The following RFX7 variants were observed in gnomAD, a reference collection of about 807,000 sequenced individuals.
RFX7 encodes the protein DNA-binding protein RFX7.
Under a neutral mutation model 111.8 loss-of-function variants are expected in RFX7, and 26 were observed. The observed-to-expected ratio is 0.23, with a 90% CI of 0.17 to 0.32. The LOEUF (loss-of-function observed/expected upper bound fraction) is 0.32. RFX7 is among the 10% of genes least tolerant of loss of function. The pLI, the probability that RFX7 is intolerant of heterozygous loss-of-function variation, is 1.00. For missense variants in RFX7, 1,573 were observed against 1,772.9 expected (o/e 0.89, Z 2.02); for synonymous variants, 624 against 624.4 (o/e 1.00, Z 0.01).
intron 2 of RFX7, among the ~76,000 whole-genome samples, chr15:56,209,628 C>T (rs2043290545): frequency 6.6e-6 from 1 of 151,974 alleles, no homozygotes; most frequent in African/African-American, 2.4e-5. Flanking sequence ...GACACATATG[C>T]TTCTATATAA....
intron 3 of RFX7, among the ~76,000 whole-genome samples, chr15:56,166,120 T>C (rs1182755589): frequency 6.6e-6 from 1 of 152,190 alleles, no homozygotes; most frequent in East Asian, 1.9e-4. Context: ...CAGGCTAGTC[T>C]CAAATTCCTG....
chr15:56,168,150 G>C (rs1368856707), intron 3 of RFX7, among the ~76,000 whole-genome samples: 1 of 152,146 alleles, frequency 6.6e-6, no homozygotes, highest in Non-Finnish European at 1.5e-5. Flanking sequence ...ACTTAAACTT[G>C]TCTGAGTCTG....
chr15:56,140,982 A>C (rs1335807052), intron 5 of RFX7, among the ~76,000 whole-genome samples: 1 of 152,188 alleles, frequency 6.6e-6, no homozygotes, highest in East Asian at 1.9e-4. Context: ...ATCACTTCAA[A>C]AATTATATGA....
chr15:56,151,345 A>C (rs1227079020), intron 3 of RFX7, among the ~76,000 whole-genome samples: 2 of 152,262 alleles, frequency 1.3e-5, no homozygotes, highest in Admixed American at 6.5e-5. Flanking sequence ...AGCCCATCAG[A>C]CTAACAGCAG....
intron 6 of RFX7, among the ~76,000 whole-genome samples, chr15:56,103,096 G>T (rs1213638500): frequency 1.4e-5 from 2 of 145,980 alleles, no homozygotes; most frequent in African/African-American, 2.5e-5. Flanking sequence ...TACTTGTACT[G>T]AAAGATTAGT....
chr15:56,190,714 A>G (rs1303774088), intron 2 of RFX7, among the ~76,000 whole-genome samples: 1 of 152,098 alleles, frequency 6.6e-6, no homozygotes, highest in Non-Finnish European at 1.5e-5. Flanking sequence ...CAGAAGCACC[A>G]TCTACACATG....
chr15:56,131,110 T>TAA (rs200498255), intron 5 of RFX7, among the ~76,000 whole-genome samples: 25 of 142,120 alleles, frequency 1.8e-4, no homozygotes, highest in East Asian at 1.0e-3. Flanking sequence ...AAAGATAGCA[T>TAA]AAAAAAAAAA....
At position 56,243,181 on chromosome 15, in the gene RFX7, G is replaced by A; in HGVS notation, c.105C>T (p.Pro35=). 1.5e-6 allele frequency: 2 copies of A among 1,354,080 alleles called. No homozygotes were observed. The highest frequency in any genetic ancestry group is 2.1e-4 in the Middle Eastern group (1 of 4,684). 83.9% of individuals were successfully genotyped at this position (1,354,080 alleles called of 1,614,324 possible). A position where few individuals can be genotyped will look rare whatever the true frequency, so the allele number is the denominator to read the frequency against. Residue 35 remains proline, a synonymous_variant, in exon 2 of 10, where the codon CCC becomes CCT. Coordinates refer to ENST00000559447, the MANE Select transcript of RFX7 (RefSeq NM_022841.7). ...NSGVALPALV[P]GLPGTEASAL... is the part of the protein sequence containing the mutation. ...CGCTGGCCTCTGTCCCTGGCAGCCC[G>A]GGCACAAGGGCTGGCAGGGCCACCC...
chr15:56,150,943 C>T (rs1326699790), intron 3 of RFX7, among the ~76,000 whole-genome samples: 3 of 151,398 alleles, frequency 2.0e-5, no homozygotes, highest in Admixed American at 1.3e-4. Flanking sequence ...ATAGCCAAAT[C>T]GATCAACCAG....
intron 3 of RFX7, among the ~76,000 whole-genome samples, chr15:56,167,629 CT>C (rs1398385208): frequency 1.3e-5 from 2 of 152,190 alleles, no homozygotes; most frequent in African/African-American, 4.8e-5. Flanking sequence ...TACATTTTCA[CT>C]GCAAAAGCAC....
At chr15:56,190,166 A>C in intron 2 of RFX7, among the ~76,000 whole-genome samples, 1 of 152,230 alleles carries the variant, frequency 6.6e-6, no homozygotes, top group African/African-American at 2.4e-5. Flanking sequence ...AAAATTAGAA[A>C]AAGTATCTGT....
chr15:56,160,469 T>C (rs755899394), intron 3 of RFX7, among the ~76,000 whole-genome samples: 16 of 151,940 alleles, frequency 1.1e-4, no homozygotes, highest in Non-Finnish European at 1.9e-4. Context: ...GGAGGGAACA[T>C]AAATACACTA....
At position 56,088,798 on chromosome 15, in the gene RFX7, G is replaced by T. The variant is rs1290210085; in HGVS notation, c.*4547C>A. ...ATACCTGATTTTTCAGCTCATAGGGGGAAGGCAAGATACCAGTTAACAGTT... is the reference window on the plus strand; with the variant it reads ...ATACCTGATTTTTCAGCTCATAGGGTGAAGGCAAGATACCAGTTAACAGTT... On this transcript the variant is annotated 3_prime_UTR_variant, in exon 10 of 10. Transcript: ENST00000559447. 4 of 152,106 alleles carry T rather than the reference G, an allele frequency of 2.6e-5. No individual in the cohort carries two copies. Among genetic ancestry groups the T allele is most frequent in the African/African-American group, 9.7e-5 (4 of 41,424 alleles). 9.4% of individuals were successfully genotyped at this position (152,106 alleles called of 1,614,324 possible).
intron 2 of RFX7, 76 bp downstream of exon 2, chr15:56,243,049 G>GCCCCCCC: frequency 2.1e-6 from 1 of 476,998 alleles, no homozygotes; most frequent in Non-Finnish European, 3.8e-6. Context: ...CGCTCCCCCC[G>GCCCCCCC]CCCGCCGCCC....
chr15:56,153,902 C>G (rs1294281709), intron 3 of RFX7, among the ~76,000 whole-genome samples: 1 of 152,210 alleles, frequency 6.6e-6, no homozygotes, highest in African/African-American at 2.4e-5. Flanking sequence ...CCCATCATCT[C>G]AGCCCAAAAT....
intron 3 of RFX7, among the ~76,000 whole-genome samples, chr15:56,152,002 GCTAA>G (rs1239325561): frequency 1.3e-5 from 2 of 152,190 alleles, no homozygotes; most frequent in African/African-American, 2.4e-5. Flanking sequence ...AGCAAGAAGA[GCTAA>G]CTATCCTAAA....
At chr15:56,238,635 T>C (rs1351388350) in intron 2 of RFX7, among the ~76,000 whole-genome samples, 1 of 152,138 alleles carries the variant, frequency 6.6e-6, no homozygotes, top group Non-Finnish European at 1.5e-5. Context: ...CAAATAAAGT[T>C]ACAGAAATAA....
chr15:56,135,288 CTT>C (rs2042283158), intron 5 of RFX7, among the ~76,000 whole-genome samples: 1 of 151,964 alleles, frequency 6.6e-6, no homozygotes, highest in African/African-American at 2.4e-5. Flanking sequence ...TGTTTCCTGA[CTT>C]TTTAATGATC....
At chr15:56,181,274 C>G (rs1253142777) in intron 2 of RFX7, among the ~76,000 whole-genome samples, 1 of 152,164 alleles carries the variant, frequency 6.6e-6, no homozygotes, top group African/African-American at 2.4e-5. Context: ...GGACTTTTCT[C>G]CCATATAACT....
Sources: gnomAD v4.1 joint callset for allele counts (sites outside exome capture counted in the v4.1 genomes callset) on GRCh38, gnomAD v4.1.1 for gene constraint, MANE v1.5 for transcripts, NCBI Gene and HGNC (gene_info 2026-07-23, HGNC 2026-07-21) for gene names.